The following EIF3B variants were observed in gnomAD, a reference collection of about 807,000 sequenced individuals.
EIF3B encodes the protein eukaryotic translation initiation factor 3 subunit B, also known as eukaryotic translation initiation factor 3 subunit 9.
In EIF3B, 10 loss-of-function variants were observed where a neutral mutation model predicts 104.6. That is an observed-to-expected ratio of 0.10 (90% CI 0.06 to 0.16). The LOEUF is 0.16. EIF3B is among the 10% of genes least tolerant of loss of function. The pLI, the probability that EIF3B is intolerant of heterozygous loss-of-function variation, is 1.00. For synonymous variants in EIF3B, 542 were observed against 417.2 expected (o/e 1.30, Z -3.65); for missense variants, 1,014 against 1,087.9 (o/e 0.93, Z 0.96).
chr7:2,354,790 C>A, upstream of EIF3B: 1 of 920,442 alleles, frequency 1.1e-6, no homozygotes, highest in Non-Finnish European at 1.3e-6. Context: ...GCGCCCCCCG[C>A]CCCGCGGCCT....
intron 2 of EIF3B, 117 bp downstream of exon 2, chr7:2,361,019 ACTT>A: frequency 1.3e-6 from 1 of 754,642 alleles, no homozygotes; most frequent in South Asian, 2.0e-5. Context: ...TGGGCCGTTC[ACTT>A]CTTCAGGCCG....
At position 2,360,577 on chromosome 7, in the gene EIF3B, G is replaced by T. The variant is rs1318360752; in HGVS notation, c.500-133G>T. On this transcript the variant is annotated intron_variant, in intron 1 of 18. Transcript: ENST00000360876. ...AAAATCTGAAACAAGCTAGGGTTAG[G>T]ATTTCTTTTGCTCACAGTGAAAGCA... The T allele has an allele frequency of 5.8e-6, 4 of 686,086 alleles. No homozygotes were observed. The South Asian group carries it at 7.4e-5, about 13-fold the overall frequency. The allele number at this position is 686,086 out of a possible 1,614,324, so 42.5% of individuals were successfully genotyped here.
At chr7:2,379,991 G>A (rs1780909935) in intron 18 of EIF3B, 1 of 260,742 alleles carries the variant, frequency 3.8e-6, no homozygotes, top group Non-Finnish European at 7.6e-6. Context: ...GGCACATGTG[G>A]GACAGAAGGC....
At chr7:2,378,629 A>T in intron 15 of EIF3B, 60 bp from the exon 16 acceptor site, 4 of 1,485,194 alleles carry the variant, frequency 2.7e-6, no homozygotes, top group Middle Eastern at 1.7e-4. Context: ...AACTCTGAAG[A>T]TTGCATTTGT....
upstream of EIF3B, chr7:2,354,801 T>TGGTGCGGCCTC: frequency 1.2e-6 from 1 of 842,748 alleles, no homozygotes; most frequent in Non-Finnish European, 1.4e-6. Context: ...CCCGCGGCCT[T>TGGTGCGGCCTC]GGTGCGGCCT....
chr7:2,369,354 C>T (rs1040503187), intron 9 of EIF3B, 118 bp from the exon 10 acceptor site: 13 of 1,099,400 alleles, frequency 1.2e-5, no homozygotes, highest in Admixed American at 9.5e-5. Flanking sequence ...GAGCGCTCAG[C>T]GTCAGCTGTG....
At position 2,379,279 on chromosome 7, in the gene EIF3B, C is replaced by A. The variant is rs747234467; in HGVS notation, c.2341+37C>A. ...ATCCCTCAGTCCCCAGGAGCTGGCC[C>A]TTACGCTGCCCCTGGGCCCTGGTGC... On this transcript the variant is annotated intron_variant, in intron 17 of 18. Coordinates refer to ENST00000360876, the MANE Select transcript of EIF3B (RefSeq NM_001037283.2). 8 of 1,587,050 alleles carry A rather than the reference C, an allele frequency of 5.0e-6. No individual in the cohort carries two copies. In the South Asian group the frequency reaches 9.0e-5, roughly 18 times the overall value.
At chr7:2,364,272 AG>A in intron 5 of EIF3B, 99 bp from the exon 6 acceptor site, 1 of 1,178,592 alleles carries the variant, frequency 8.5e-7, no homozygotes, top group Non-Finnish European at 1.2e-6. Context: ...AAAAAAAAAA[AG>A]TTTGTAGAAC....
In EIF3B at chr7:2,372,589, G is replaced by A; in HGVS notation, c.1688-84G>A. 4 of 1,508,492 alleles carry A rather than the reference G, an allele frequency of 2.7e-6. No homozygotes were observed. In the Admixed American group the frequency reaches 6.0e-5, roughly 23 times the overall value. The allele number at this position is 1,508,492 out of a possible 1,614,324, so 93.4% of individuals were successfully genotyped here. On this transcript the variant is annotated intron_variant, in intron 11 of 18. Coordinates refer to ENST00000360876, the MANE Select transcript of EIF3B (RefSeq NM_001037283.2). ...ACACGTCGGGGGATATTTCTCTGTG[G>A]TTGAATAGTGAACATTTTAACTGAT...
intron 2 of EIF3B, 59 bp from the exon 3 acceptor site, chr7:2,362,586 A>C: frequency 1.2e-6 from 2 of 1,601,040 alleles, no homozygotes; most frequent in Non-Finnish European, 1.7e-6. Flanking sequence ...TGGGGCGGAC[A>C]GCGCATACCT....
At chr7:2,364,596 C>G (rs1026270582) in intron 6 of EIF3B, 67 bp downstream of exon 6, 2 of 1,427,722 alleles carry the variant, frequency 1.4e-6, no homozygotes, top group Non-Finnish European at 1.9e-6. Flanking sequence ...TACAGGTGAT[C>G]TTTCATTTTG....
intron 1 of EIF3B, among the ~76,000 whole-genome samples, chr7:2,358,385 G>A (rs1330253287): frequency 6.6e-6 from 1 of 151,554 alleles, no homozygotes; most frequent in Non-Finnish European, 1.5e-5. Flanking sequence ...TGCTGGGTCA[G>A]TTTTCAATAT....
rs376125182 is a variant in EIF3B at position 2,354,896 on chromosome 7, C to G, written c.-26C>G. The G allele has an allele frequency of 1.1e-5, 13 of 1,174,630 alleles. No individual in the cohort carries two copies. The highest frequency in any genetic ancestry group is 1.6e-5 in the African/African-American group (1 of 61,370). The allele number at this position is 1,174,630 out of a possible 1,614,324, so 72.8% of individuals were successfully genotyped here. A position where few individuals can be genotyped will look rare whatever the true frequency, so the allele number is the denominator to read the frequency against. On this transcript the variant is annotated 5_prime_UTR_variant, in exon 1 of 19. Transcript: ENST00000360876. Reference sequence around the variant, plus strand: ...AGTCGGAAGCGCGGCGGCCGCGGAGCCCTGCGAGTAGGCAGCGTTGGGCCC... The same window carrying G: ...AGTCGGAAGCGCGGCGGCCGCGGAGGCCTGCGAGTAGGCAGCGTTGGGCCC...
At chr7:2,361,780 T>A (rs547819769) in intron 2 of EIF3B, among the ~76,000 whole-genome samples, 72 of 151,644 alleles carry the variant, frequency 4.7e-4, no homozygotes, top group Middle Eastern at 3.4e-3. Context: ...TTAAGTTTTT[T>A]TTGTTTGTTT....
At chr7:2,373,416 G>C (rs754173119) in intron 12 of EIF3B, 1 of 152,542 alleles carries the variant, frequency 6.6e-6, no homozygotes, top group African/African-American at 2.4e-5. Flanking sequence ...GTGTGTGTGT[G>C]GTAGCCAGGA....
intron 10 of EIF3B, among the ~76,000 whole-genome samples, chr7:2,371,292 G>T (rs566772670): frequency 3.2e-4 from 49 of 152,298 alleles, no homozygotes; most frequent in Non-Finnish European, 5.6e-4. Flanking sequence ...CTCTTGTTGG[G>T]TGGACCCCGT....
chr7:2,364,502 A>G lies in EIF3B; in HGVS notation c.1130A>G (p.Gln377Arg). ...QIQRFSHQGV[Q>R]LIDFSPCERY... ...CAGAGATTCAGCCACCAAGGGGTTC[A>G]GCTTATTGACTTCTCACCTTGTGAA... Residue 377 changes from glutamine to arginine, a missense_variant, in exon 6 of 19, where the codon CAG becomes CGG. By Grantham distance (43) the Gln-to-Arg change is conservative. Transcript: ENST00000360876. 6.2e-7 allele frequency: 1 copy of G among 1,613,350 alleles called. No individual in the cohort carries two copies. The highest frequency in any genetic ancestry group is 8.5e-7 in the Non-Finnish European group (1 of 1,179,762).
At chr7:2,368,129 C>A (rs1211690348) in intron 9 of EIF3B, among the ~76,000 whole-genome samples, 1 of 151,780 alleles carries the variant, frequency 6.6e-6, no homozygotes, top group African/African-American at 2.4e-5. Flanking sequence ...CTGGCGTGAG[C>A]CACCACACCC....
chr7:2,356,631 A>C (rs1779461740), intron 1 of EIF3B, among the ~76,000 whole-genome samples: 1 of 151,202 alleles, frequency 6.6e-6, no homozygotes, highest in Non-Finnish European at 1.5e-5. Context: ...AAAAGAAAAA[A>C]AGGTTATCAG....
Sources: gnomAD v4.1 joint callset for allele counts (sites outside exome capture counted in the v4.1 genomes callset) on GRCh38, gnomAD v4.1.1 for gene constraint, MANE v1.5 for transcripts, NCBI Gene and HGNC (gene_info 2026-07-23, HGNC 2026-07-21) for gene names.